NPR3: variants seen among roughly 807,000 people sequenced by gnomAD.
NPR3 encodes natriuretic peptide receptor 3, also known as atrial natriuretic peptide receptor 3.
In NPR3, 34 loss-of-function variants were observed where a neutral mutation model predicts 54.5. The observed-to-expected ratio is 0.62, with a 90% CI of 0.47 to 0.83. NPR3 has a LOEUF of 0.83. NPR3 is among the 40% of genes least tolerant of loss of function. The probability of loss-of-function intolerance (pLI) is 0.00; values close to 1 mark genes in which losing one functional copy is unlikely to be tolerated. For missense variants in NPR3, 674 were observed against 720.8 expected, an observed-to-expected ratio of 0.94 and a Z score of 0.74; for synonymous variants, 289 against 297.1, an observed-to-expected ratio of 0.97 and a Z score of 0.28.
upstream of NPR3, among the ~76,000 whole-genome samples, chr5:32,707,687 A>G (rs1181637095): frequency 6.6e-6 from 1 of 152,174 alleles, no homozygotes; most frequent in African/African-American, 2.4e-5. Flanking sequence ...CTGGCTCAAC[A>G]AGGGAGAAAA....
intron 3 of NPR3, among the ~76,000 whole-genome samples, chr5:32,758,098 A>G (rs1380759084): frequency 6.6e-6 from 1 of 152,168 alleles, no homozygotes; most frequent in East Asian, 1.9e-4. Flanking sequence ...CTTTGGTATC[A>G]GGATGATGCT....
intron 1 of NPR3, among the ~76,000 whole-genome samples, chr5:32,721,898 C>T (rs1034269091): frequency 2.0e-5 from 3 of 152,174 alleles, no homozygotes; most frequent in African/African-American, 7.2e-5. Context: ...AAAGGCATCA[C>T]ATGGTGAGAG....
intron 1 of NPR3, among the ~76,000 whole-genome samples, chr5:32,714,356 G>C (rs975976217): frequency 6.6e-6 from 1 of 150,618 alleles, no homozygotes; most frequent in East Asian, 2.0e-4. Context: ...CCTCACAGTG[G>C]TGGCTGAGGC....
At chr5:32,777,217 C>A (rs1742099685) in intron 4 of NPR3, among the ~76,000 whole-genome samples, 1 of 152,146 alleles carries the variant, frequency 6.6e-6, no homozygotes, top group African/African-American at 2.4e-5. Flanking sequence ...ATCTGCCTTG[C>A]CTGTTTAAAA....
At chr5:32,725,092 C>T (rs1739071077) in intron 2 of NPR3, among the ~76,000 whole-genome samples, 1 of 151,976 alleles carries the variant, frequency 6.6e-6, no homozygotes, top group South Asian at 2.1e-4. Flanking sequence ...CGGACATAAA[C>T]ATGGGAACAA....
At chr5:32,773,228 G>A (rs776165147) in intron 3 of NPR3, among the ~76,000 whole-genome samples, 1 of 152,186 alleles carries the variant, frequency 6.6e-6, no homozygotes, top group African/African-American at 2.4e-5. Flanking sequence ...TTTCTGAAAT[G>A]AGAAGGCTTG....
At position 32,787,605 on chromosome 5, in the gene NPR3, A is replaced by G. The variant is rs1367055844; in HGVS notation, c.*1260A>G. 2.0e-5 allele frequency: 3 copies of G among 152,196 alleles called. No individual in the cohort carries two copies. The highest frequency in any genetic ancestry group is 7.2e-5 in the African/African-American group (3 of 41,452). The allele number at this position is 152,196 out of a possible 1,614,324, so 9.4% of individuals were successfully genotyped here. A position where few individuals can be genotyped will look rare whatever the true frequency, so the allele number is the denominator to read the frequency against. On this transcript the variant is annotated 3_prime_UTR_variant, in exon 8 of 8. Transcript: ENST00000265074. ...AAGAGGGAACCTAAATATCTACTCT[A>G]TTCCCTTTCAGTTAACTCCACAGAA...
intron 3 of NPR3, among the ~76,000 whole-genome samples, chr5:32,765,434 G>A (rs1484729549): frequency 6.6e-6 from 1 of 152,208 alleles, no homozygotes; most frequent in African/African-American, 2.4e-5. Context: ...GGGAGTGAGT[G>A]AGAGAGGGGA....
chr5:32,740,968 T>C (rs115623427), intron 3 of NPR3, among the ~76,000 whole-genome samples: 261 of 152,122 alleles, frequency 1.7e-3, no homozygotes, highest in Non-Finnish European at 3.2e-3. Context: ...CTTCCTTCAG[T>C]AGTGCTGCTA....
At chr5:32,717,106 T>C (rs1041828151) in intron 1 of NPR3, among the ~76,000 whole-genome samples, 1 of 151,630 alleles carries the variant, frequency 6.6e-6, no homozygotes, top group Non-Finnish European at 1.5e-5. Flanking sequence ...ATGTGGTTTT[T>C]GGTTTTCTGT....
chr5:32,778,203 A>G (rs1313830291), intron 4 of NPR3, among the ~76,000 whole-genome samples: 1 of 152,226 alleles, frequency 6.6e-6, no homozygotes, highest in Non-Finnish European at 1.5e-5. Flanking sequence ...GAGTCCTGAA[A>G]CAATCAACTG....
At chr5:32,698,849 C>G (rs1740598567) in intron 1 of NPR3, among the ~76,000 whole-genome samples, 1 of 148,064 alleles carries the variant, frequency 6.8e-6, no homozygotes, top group Admixed American at 6.8e-5. Flanking sequence ...TATTTTCAGT[C>G]TATGTGTGTC....
Position 32,702,459 on chromosome 5 carries a change from T to C in NPR3, c.100+13273T>C, listed in dbSNP as rs1167894681. On this transcript the variant is annotated intron_variant, in intron 1 of 5. Transcript: ENST00000509104. ...AGAGTGTGATGTTCCCCTTCCTGTG[T>C]CCATGTGTTCTCATTGTTCAATTCC... Among the ~76,000 whole-genome samples, 5 of 132,810 alleles carry C rather than the reference T, an allele frequency of 3.8e-5. No homozygotes were observed. The East Asian group carries it at 1.2e-3, about 33-fold the overall frequency. 87.1% of individuals were successfully genotyped at this position (132,810 alleles called of 152,430 possible).
chr5:32,718,079 A>G (rs1461390830), intron 1 of NPR3, among the ~76,000 whole-genome samples: 1 of 152,224 alleles, frequency 6.6e-6, no homozygotes, highest in African/African-American at 2.4e-5. Flanking sequence ...ACTTATGGCT[A>G]GTCAATTTTC....
intron 1 of NPR3, among the ~76,000 whole-genome samples, chr5:32,702,906 C>T (rs561390664): frequency 4.6e-5 from 7 of 152,316 alleles, no homozygotes; most frequent in African/African-American, 1.4e-4. Context: ...TATTTCTCCA[C>T]ATCCTCTCCA....
chr5:32,711,738 A>G lies in NPR3; in HGVS notation c.-39A>G. ...AAGGGTGGGTGGGGGGCAGAGGGCG[A>G]GTCGGCGGCGGCGAGGGCAAGCTCT... On this transcript the variant is annotated 5_prime_UTR_variant, in exon 1 of 8. Coordinates refer to ENST00000265074, the MANE Select transcript of NPR3 (RefSeq NM_001204375.2). 1 of 1,412,394 alleles carries G rather than the reference A, an allele frequency of 7.1e-7. No individual in the cohort carries two copies. The highest frequency in any genetic ancestry group is 9.2e-7 in the Non-Finnish European group (1 of 1,084,272). 87.5% of individuals were successfully genotyped at this position (1,412,394 alleles called of 1,614,324 possible).
At position 32,788,662 on chromosome 5, in the gene NPR3, T is replaced by C. The variant is rs919870369; in HGVS notation, c.*2317T>C. ...AACACTAACATTTTTAGAGCAAATA[T>C]ATTCTATTTTAACTTCAGGTAGAGG... is the stretch of plus-strand genomic sequence containing the variant. On this transcript the variant is annotated 3_prime_UTR_variant, in exon 8 of 8. Transcript: ENST00000265074. 1 of 152,186 alleles carries C rather than the reference T, an allele frequency of 6.6e-6. No homozygotes were observed. The allele number at this position is 152,186 out of a possible 1,614,324, so 9.4% of individuals were successfully genotyped here. A position where few individuals can be genotyped will look rare whatever the true frequency, so the allele number is the denominator to read the frequency against.
rs771613470 is a variant in NPR3 at position 32,712,529 on chromosome 5, C to A, written c.753C>A (p.Ile251=). ...ATCTGGAAGACATCGTGCGCAATATCCAGGCCAGTGAGAGAGGTGAGCAGG... is the reference window on the plus strand; with the variant it reads ...ATCTGGAAGACATCGTGCGCAATATACAGGCCAGTGAGAGAGGTGAGCAGG... ...DLDLEDIVRN[I]QASERVVIMC... The change falls in exon 1 of 8, where the codon ATC becomes ATA. Residue 251 remains isoleucine (I), a synonymous_variant. Transcript: ENST00000265074. 1.4e-5 allele frequency: 21 copies of A among 1,527,452 alleles called. No homozygotes were observed. The East Asian group carries it at 2.9e-4, about 21-fold the overall frequency. The allele number at this position is 1,527,452 out of a possible 1,614,324, so 94.6% of individuals were successfully genotyped here.
chr5:32,725,499 C>A (rs1739094522), intron 2 of NPR3, among the ~76,000 whole-genome samples: 1 of 152,154 alleles, frequency 6.6e-6, no homozygotes, highest in African/African-American at 2.4e-5. Flanking sequence ...TCCTGCACTC[C>A]AAATGGTCAT....
Sources: allele counts gnomAD v4.1 joint callset (sites outside exome capture counted in the v4.1 genomes callset), GRCh38; gene constraint gnomAD v4.1.1; transcripts MANE v1.5; gene names NCBI Gene and HGNC (gene_info 2026-07-23, HGNC 2026-07-21).